MGST2: variants seen among roughly 807,000 people sequenced by gnomAD.
MGST2 encodes the protein microsomal glutathione S-transferase 2, also known as glutathione peroxidase MGST2.
MGST2 carries 9 observed loss-of-function variants against 16.6 expected under a neutral mutation model. That is an observed-to-expected ratio of 0.54 (90% CI 0.33 to 0.95). The LOEUF is 0.95. MGST2 is among the 40% of genes least tolerant of loss of function. The pLI, the probability that MGST2 is intolerant of heterozygous loss-of-function variation, is 0.03. For missense variants in MGST2, 159 were observed against 175.1 expected (o/e 0.91, Z 0.52); for synonymous variants, 79 against 68.0 (o/e 1.16, Z -0.79).
At chr4:139,682,909 G>C (rs577910603) in intron 2 of MGST2, among the ~76,000 whole-genome samples, 1 of 152,170 alleles carries the variant, frequency 6.6e-6, no homozygotes, top group East Asian at 1.9e-4. Context: ...GCGGGAGGGG[G>C]TCCTACTCAC....
At position 139,674,343 on chromosome 4, in the gene MGST2, T is replaced by C. The variant is rs543854827; in HGVS notation, c.59-4200T>C. Among the ~76,000 whole-genome samples, 10 of 152,346 alleles carry C rather than the reference T, an allele frequency of 6.6e-5. No homozygotes were observed. The South Asian group carries it at 2.1e-3, about 32-fold the overall frequency. On this transcript the variant is annotated intron_variant, in intron 1 of 4. Transcript: ENST00000265498. ...TCTTTTGAGTTTCTGATTAGCCTTTTACTGAATCAAAGGAAGCAATCAGAT... is the reference window on the plus strand; with the variant it reads ...TCTTTTGAGTTTCTGATTAGCCTTTCACTGAATCAAAGGAAGCAATCAGAT...
At chr4:139,688,206 C>T (rs1726357551) in intron 2 of MGST2, among the ~76,000 whole-genome samples, 1 of 152,174 alleles carries the variant, frequency 6.6e-6, no homozygotes, top group Admixed American at 6.5e-5. Context: ...CTAGGGAGCA[C>T]TAATTCTTCA....
intron 2 of MGST2, among the ~76,000 whole-genome samples, chr4:139,691,660 G>T (rs945119192): frequency 1.7e-4 from 25 of 148,180 alleles, no homozygotes; most frequent in Non-Finnish European, 2.9e-5. Context: ...CACCCCACTG[G>T]CAGTCAGATG....
rs1038063067 is a variant in MGST2 at position 139,735,615 on chromosome 4, A to G, written c.*49-4597A>G. Among the ~76,000 whole-genome samples, 1 of 152,228 alleles carries G rather than the reference A, an allele frequency of 6.6e-6. No individual in the cohort carries two copies. Among genetic ancestry groups the G allele is most frequent in the Non-Finnish European group, 1.5e-5 (1 of 68,036 alleles). ...CGGCCCGGCACCGCTGCTTCGGCTC[A>G]GAGTCCTTGCAATCGCTTGGCCTAC... is the stretch of plus-strand genomic sequence containing the variant. On this transcript the variant is annotated intron_variant, in intron 5 of 5. Transcript: ENST00000616265. This position sits in a 1 kb window ranked among gnomAD's most constrained non-coding sequence, Gnocchi z 5.8.
chr4:139,700,055 C>T (rs866394100), intron 3 of MGST2, among the ~76,000 whole-genome samples: 166 of 149,484 alleles, frequency 1.1e-3, no homozygotes, highest in Middle Eastern at 3.5e-3. Context: ...TAATAATTAT[C>T]ATTATAGCTA....
At chr4:139,720,287 G>C (rs1351468010) in intron 5 of MGST2, 2 of 1,561,892 alleles carry the variant, frequency 1.3e-6, no homozygotes, top group Admixed American at 3.6e-5. Flanking sequence ...CTGGAGGGCT[G>C]CTTGGCTTCT....
At chr4:139,672,199 C>T (rs1222493782) in intron 1 of MGST2, among the ~76,000 whole-genome samples, 1 of 152,194 alleles carries the variant, frequency 6.6e-6, no homozygotes, top group Non-Finnish European at 1.5e-5. Context: ...TTAAGGCTTG[C>T]TTACTCCCAG....
At chr4:139,704,771 A>G (rs1003991944), downstream of MGST2, among the ~76,000 whole-genome samples, 1 of 152,080 alleles carries the variant, frequency 6.6e-6, no homozygotes, top group African/African-American at 2.4e-5. Context: ...AGATACAAAA[A>G]ATTAGCCGGG....
At chr4:139,719,805 A>G (rs375985703) in intron 5 of MGST2, 885 of 1,613,448 alleles carry the variant, frequency 5.5e-4, no homozygotes, top group Non-Finnish European at 7.1e-4. Context: ...AATGGTCCCA[A>G]TTCTCCACTA....
Position 139,735,015 on chromosome 4 carries a change from T to G in MGST2, c.*49-5197T>G, listed in dbSNP as rs1728877438. Among the ~76,000 whole-genome samples, 1 of 152,234 alleles carries G rather than the reference T, an allele frequency of 6.6e-6. No individual in the cohort carries two copies. Among genetic ancestry groups the G allele is most frequent in the East Asian group, 1.9e-4 (1 of 5,140 alleles). On this transcript the variant is annotated intron_variant, in intron 5 of 5. Transcript: ENST00000616265. The surrounding 1 kb of genome is among the most constrained non-coding windows in gnomAD (Gnocchi z 5.8). Reference sequence around the variant, plus strand: ...GCCCGGCCTCGTGCCCGGCCGCCGCTGCGCCCGCGCCCCCTCCCCTCGCAG... The same window carrying G: ...GCCCGGCCTCGTGCCCGGCCGCCGCGGCGCCCGCGCCCCCTCCCCTCGCAG...
chr4:139,665,906 C>A lies in MGST2; in HGVS notation c.-114C>A, dbSNP rs1730304848. 7 of 1,055,476 alleles carry A rather than the reference C, an allele frequency of 6.6e-6. No homozygotes were observed. The highest frequency in any genetic ancestry group is 5.8e-5 in the Admixed American group (3 of 51,378). The allele number at this position is 1,055,476 out of a possible 1,614,324, so 65.4% of individuals were successfully genotyped here. A position where few individuals can be genotyped will look rare whatever the true frequency, so the allele number is the denominator to read the frequency against. On this transcript the variant is annotated 5_prime_UTR_variant, in exon 1 of 5. Coordinates refer to ENST00000265498, the MANE Select transcript of MGST2 (RefSeq NM_002413.5). The stretch of plus-strand genomic sequence containing the variant: ...AGGTCATTCAGCCGCTTGAATCAGC[C>A]TTTTCCCCCCACCCGGTCCCCAACT...
chr4:139,672,512 C>T (rs1730751207), intron 1 of MGST2, among the ~76,000 whole-genome samples: 1 of 152,078 alleles, frequency 6.6e-6, no homozygotes, highest in African/African-American at 2.4e-5. Flanking sequence ...TACATTCCTT[C>T]TCCTCACTCT....
downstream of MGST2, among the ~76,000 whole-genome samples, chr4:139,741,243 A>C (rs1000306762): frequency 1.3e-5 from 2 of 152,206 alleles, no homozygotes; most frequent in Non-Finnish European, 2.9e-5. Flanking sequence ...GCTGACGACC[A>C]GCTTCTTAGA....
At chr4:139,748,951 G>C in the MGST2 span, among the ~76,000 whole-genome samples, 1 of 152,264 alleles carries the variant, frequency 6.6e-6, no homozygotes, top group Admixed American at 6.5e-5. Flanking sequence ...TGCTTCTTTG[G>C]TGAATAGAGT....
At chr4:139,744,074 C>T (rs1017417474), downstream of MGST2, among the ~76,000 whole-genome samples, 55 of 152,134 alleles carry the variant, frequency 3.6e-4, no homozygotes, top group Non-Finnish European at 6.2e-4. Flanking sequence ...CCAAATATAT[C>T]CTGTAGTCAG....
chr4:139,732,498 G>A lies in MGST2; in HGVS notation c.*49-7714G>A, dbSNP rs554185022. On this transcript the variant is annotated intron_variant, in intron 5 of 5. Coordinates refer to the MGST2 transcript ENST00000616265. Reference sequence around the variant, plus strand: ...TACCCTAGAAACAATCACCCAAGAAGCTCTGGTTTGTTCGTGCAGTAGCTT... The same window carrying A: ...TACCCTAGAAACAATCACCCAAGAAACTCTGGTTTGTTCGTGCAGTAGCTT... Among the ~76,000 whole-genome samples, 4 of 151,858 alleles carry A rather than the reference G, an allele frequency of 2.6e-5. No individual in the cohort carries two copies. In the South Asian group the frequency reaches 6.2e-4, roughly 24 times the overall value.
intron 2 of MGST2, among the ~76,000 whole-genome samples, chr4:139,693,138 C>T (rs1040285475): frequency 4.6e-5 from 7 of 152,192 alleles, no homozygotes; most frequent in Admixed American, 1.3e-4. Flanking sequence ...AGTGAGTGGG[C>T]TGGGCGCGGT....
intron 3 of MGST2, among the ~76,000 whole-genome samples, chr4:139,696,413 CTT>C (rs2110883064): frequency 6.6e-6 from 1 of 152,304 alleles, no homozygotes; most frequent in Non-Finnish European, 1.5e-5. Context: ...AAAAAGCAGA[CTT>C]GAATCATCAG....
At chr4:139,721,506 GAA>G (rs1216776192) in intron 5 of MGST2, among the ~76,000 whole-genome samples, 5 of 152,200 alleles carry the variant, frequency 3.3e-5, no homozygotes, top group Non-Finnish European at 7.3e-5. Flanking sequence ...AACCAGATGA[GAA>G]TAGTCTAACC....
Sources: gnomAD v4.1 joint callset for allele counts (sites outside exome capture counted in the v4.1 genomes callset) on GRCh38, gnomAD v4.1.1 for gene constraint, Gnocchi (gnomAD v3.1) non-coding constraint, MANE v1.5 for transcripts, NCBI Gene and HGNC (gene_info 2026-07-23, HGNC 2026-07-21) for gene names.